Variants in FKBP14 observed in about 807,000 individuals in gnomAD.
The protein encoded by FKBP14 is peptidyl-prolyl cis-trans isomerase FKBP14.
In FKBP14, 20 loss-of-function variants were observed where a neutral mutation model predicts 21.6. The ratio of observed to expected loss-of-function variants is 0.92; its 90% CI spans 0.65 to 1.34. The LOEUF is 1.34. Ranked by LOEUF, FKBP14 falls within the 40% of genes most tolerant of loss-of-function variation. FKBP14 has a pLI of 0.00. For synonymous variants in FKBP14, 79 were observed against 86.7 expected, an observed-to-expected ratio of 0.91 and a Z score of 0.49; for missense variants, 253 against 249.0, an observed-to-expected ratio of 1.02 and a Z score of -0.11.
At chr7:30,020,952 T>A (rs758692364) in intron 2 of FKBP14, among the ~76,000 whole-genome samples, 2 of 152,254 alleles carry the variant, frequency 1.3e-5, no homozygotes, top group Non-Finnish European at 2.9e-5. Flanking sequence ...TATATAATGC[T>A]TGCCATATGG....
intron 2 of FKBP14, among the ~76,000 whole-genome samples, chr7:30,021,013 T>C (rs556830255): frequency 6.6e-6 from 1 of 152,354 alleles, no homozygotes; most frequent in African/African-American, 2.4e-5. Context: ...CTCCTCACTT[T>C]TGTCAGTGGT....
At chr7:30,026,284 A>C (rs200537344) in intron 1 of FKBP14, 28 bp downstream of exon 1, 5 of 1,577,058 alleles carry the variant, frequency 3.2e-6, no homozygotes, top group Non-Finnish European at 3.5e-6. Flanking sequence ...CTTAATTACT[A>C]TTTTACCTGC....
intron 1 of FKBP14, among the ~76,000 whole-genome samples, chr7:30,023,983 C>T (rs1367725785): frequency 6.6e-6 from 1 of 152,152 alleles, no homozygotes; most frequent in Admixed American, 6.5e-5. Context: ...TGTCCTGGCT[C>T]ATGAGTTGAA....
intron 1 of FKBP14, among the ~76,000 whole-genome samples, chr7:30,023,733 T>G (rs1452127238): frequency 5.9e-5 from 9 of 152,202 alleles, no homozygotes; most frequent in Admixed American, 5.9e-4. Context: ...AGGCACGTCT[T>G]ACATGGTAGC....
chr7:30,009,862 G>A (rs1157857427), downstream of FKBP14, among the ~76,000 whole-genome samples: 1 of 151,874 alleles, frequency 6.6e-6, no homozygotes, highest in African/African-American at 2.4e-5. Flanking sequence ...AGCTGGGCGT[G>A]GTGGCGCATG....
intron 2 of FKBP14, among the ~76,000 whole-genome samples, chr7:30,021,497 T>C (rs992966504): frequency 2.0e-5 from 3 of 152,132 alleles, no homozygotes; most frequent in Non-Finnish European, 4.4e-5. Flanking sequence ...TTTCCTGATA[T>C]CTAATTATTC....
In FKBP14 at chr7:30,026,402, A is replaced by C. The variant is rs757578325; in HGVS notation, c.107T>G (p.Phe36Cys). ...EVKIEVLQKP[F>C]ICHRKTKGGD... ...TCCTTTGGTCTTGCGATGGCAGATG[A>C]ATGGCTTCTGGAGAACTTCAATTTT... Residue 36 changes from phenylalanine to cysteine, a missense_variant, in exon 1 of 4, where the codon TTC becomes TGC. By Grantham distance (205) the Phe-to-Cys change is radical (BLOSUM62 -2). Transcript: ENST00000222803. The C allele has an allele frequency of 6.2e-7, 1 of 1,614,222 alleles. No homozygotes were observed. The highest frequency in any genetic ancestry group is 8.5e-7 in the Non-Finnish European group (1 of 1,180,022).
At chr7:30,014,964 G>C in intron 3 of FKBP14, 71 bp from the exon 4 acceptor site, 1 of 965,386 alleles carries the variant, frequency 1.0e-6, no homozygotes, top group Middle Eastern at 2.3e-4. Context: ...CAATATCACA[G>C]ACATGGACTG....
At chr7:30,020,728 T>A (rs1352551770) in intron 2 of FKBP14, among the ~76,000 whole-genome samples, 1 of 152,082 alleles carries the variant, frequency 6.6e-6, no homozygotes, top group Non-Finnish European at 1.5e-5. Flanking sequence ...ACTAAAACGG[T>A]AGAAAGTGAA....
chr7:30,010,712 C>T lies in FKBP14; in HGVS notation c.*4023G>A, dbSNP rs1789701293. ...ATGTAACCATGTTTCGGTCAATGTA[C>T]AATATATATATGATGGTGGCCCCAC... On this transcript the variant is annotated 3_prime_UTR_variant, in exon 4 of 4. Transcript: ENST00000222803. The T allele has an allele frequency of 1.3e-5, 2 of 152,080 alleles. No individual in the cohort carries two copies. Among genetic ancestry groups the T allele is most frequent in the Non-Finnish European group, 2.9e-5 (2 of 68,026 alleles). The allele number at this position is 152,080 out of a possible 1,614,324, so 9.4% of individuals were successfully genotyped here.
intron 3 of FKBP14, among the ~76,000 whole-genome samples, chr7:30,018,715 G>C (rs997110429): frequency 6.6e-6 from 1 of 152,166 alleles, no homozygotes; most frequent in Admixed American, 6.5e-5. Flanking sequence ...GTAAGCATAA[G>C]ATACAGTGAA....
chr7:30,022,950 C>G, intron 1 of FKBP14, 134 bp from the exon 2 acceptor site: 1 of 673,370 alleles, frequency 1.5e-6, no homozygotes. Flanking sequence ...TATTTGCACA[C>G]ATACACACAC....
chr7:30,014,444 C>A lies in FKBP14; in HGVS notation c.*291G>T. The A allele has an allele frequency of 5.2e-6, 1 of 191,770 alleles. No individual in the cohort carries two copies. Among genetic ancestry groups the A allele is most frequent in the Non-Finnish European group, 1.1e-5 (1 of 94,766 alleles). The allele number at this position is 191,770 out of a possible 1,614,324, so 11.9% of individuals were successfully genotyped here. A position where few individuals can be genotyped will look rare whatever the true frequency, so the allele number is the denominator to read the frequency against. On this transcript the variant is annotated 3_prime_UTR_variant, in exon 4 of 4. Transcript: ENST00000222803. ...TCATGTCGTGGTATATTCCCAGTTG[C>A]AACATTTTAAATTTATAAGTGAGAA...
intron 2 of FKBP14, among the ~76,000 whole-genome samples, chr7:30,019,796 T>C (rs78650808): frequency 0.019 from 2,952 of 152,258 alleles, 47 homozygotes; most frequent in East Asian, 0.04. Flanking sequence ...ATACATGTTA[T>C]TGAGGTATAA....
chr7:30,008,837 G>A (rs183620436), downstream of FKBP14, among the ~76,000 whole-genome samples: 27 of 152,078 alleles, frequency 1.8e-4, no homozygotes, highest in East Asian at 1.2e-3. Flanking sequence ...TTAGCCGGGC[G>A]TGGTGGCAGG....
At chr7:30,019,303 A>G (rs575286550) in intron 2 of FKBP14, among the ~76,000 whole-genome samples, 180 bp from the exon 3 acceptor site, 1 of 152,254 alleles carries the variant, frequency 6.6e-6, no homozygotes, top group South Asian at 2.1e-4. Context: ...TAAAAGAAGA[A>G]ATAATATACA....
intron 1 of FKBP14, among the ~76,000 whole-genome samples, chr7:30,024,977 CAAG>C (rs1790136235): frequency 6.6e-6 from 1 of 152,156 alleles, no homozygotes; most frequent in African/African-American, 2.4e-5. Flanking sequence ...ACCTAGTTGA[CAAG>C]AAGAAAGGGC....
At chr7:30,024,055 T>C (rs140756027) in intron 1 of FKBP14, among the ~76,000 whole-genome samples, 2 of 152,196 alleles carry the variant, frequency 1.3e-5, no homozygotes, top group African/African-American at 4.8e-5. Context: ...AAGGGCTGAG[T>C]AATGCCTGAT....
chr7:30,018,854 T>C, intron 3 of FKBP14, 142 bp downstream of exon 3: 2 of 824,470 alleles, frequency 2.4e-6, no homozygotes, highest in East Asian at 6.3e-5. Flanking sequence ...TAAGAAAACT[T>C]ATAAATAAAT....
Sources: allele counts gnomAD v4.1 joint callset (sites outside exome capture counted in the v4.1 genomes callset), GRCh38; gene constraint gnomAD v4.1.1; transcripts MANE v1.5; gene names NCBI Gene and HGNC (gene_info 2026-07-23, HGNC 2026-07-21).